Variants in DSCAM observed in about 807,000 individuals in gnomAD.
The protein encoded by DSCAM is DS cell adhesion molecule.
Under a neutral mutation model 217.7 loss-of-function variants are expected in DSCAM, and 47 were observed. That is an observed-to-expected ratio of 0.22 (90% CI 0.17 to 0.28). The LOEUF (loss-of-function observed/expected upper bound fraction) is 0.28. DSCAM is among the 10% of genes least tolerant of loss of function. DSCAM has a pLI of 1.00. For synonymous variants in DSCAM, 1,056 were observed against 1,015.3 expected (o/e 1.04, Z -0.76); for missense variants, 2,080 against 2,618.3 (o/e 0.79, Z 4.49).
chr21:40,074,162 T>C (rs1486986968), intron 27 of DSCAM, among the ~76,000 whole-genome samples: 1 of 152,242 alleles, frequency 6.6e-6, no homozygotes, highest in Non-Finnish European at 1.5e-5. Flanking sequence ...GTTTGGGATA[T>C]GTTTTGAGGA....
intron 3 of DSCAM, among the ~76,000 whole-genome samples, chr21:40,623,795 A>G (rs2089558396): frequency 6.6e-6 from 1 of 152,164 alleles, no homozygotes; most frequent in Non-Finnish European, 1.5e-5. Flanking sequence ...AAGAGAAAAC[A>G]CTTGCCTACG....
At chr21:40,738,981 A>G (rs2091094683) in intron 1 of DSCAM, among the ~76,000 whole-genome samples, 1 of 152,070 alleles carries the variant, frequency 6.6e-6, no homozygotes, top group African/African-American at 2.4e-5. Flanking sequence ...AAGAAGGGGG[A>G]GCATGAGTTC....
intron 11 of DSCAM, among the ~76,000 whole-genome samples, chr21:40,250,181 A>G (rs1446481224): frequency 6.6e-6 from 1 of 152,162 alleles, no homozygotes; most frequent in Admixed American, 6.5e-5. Flanking sequence ...CGGTTTGGGG[A>G]TTCACAGCCT....
At chr21:40,334,215 A>G (rs2074405662) in intron 8 of DSCAM, among the ~76,000 whole-genome samples, 1 of 152,032 alleles carries the variant, frequency 6.6e-6, no homozygotes. Flanking sequence ...TGCAGCCTGG[A>G]TTCCTGAACT....
intron 1 of DSCAM, among the ~76,000 whole-genome samples, chr21:40,804,144 G>A (rs1246954072): frequency 3.9e-5 from 6 of 152,126 alleles, no homozygotes; most frequent in Admixed American, 3.9e-4. Flanking sequence ...GCAGTACAAG[G>A]CCACTCCCCA....
At chr21:40,494,268 A>C (rs2076099858) in intron 3 of DSCAM, among the ~76,000 whole-genome samples, 1 of 152,164 alleles carries the variant, frequency 6.6e-6, no homozygotes, top group Non-Finnish European at 1.5e-5. Context: ...AGTGGATTTA[A>C]AAAGAACACA....
intron 3 of DSCAM, among the ~76,000 whole-genome samples, chr21:40,481,413 C>T (rs1249956324): frequency 6.6e-6 from 1 of 151,432 alleles, no homozygotes; most frequent in Non-Finnish European, 1.5e-5. Context: ...TGGCATGAAC[C>T]CGGGAGGCAA....
chr21:40,347,791 T>C lies in DSCAM; in HGVS notation c.1089A>G (p.Thr363=), dbSNP rs376119043. Residue 363 remains threonine, a synonymous_variant, in exon 6 of 33, where the codon ACA becomes ACG. Transcript: ENST00000400454. ...TTATAAGGTTTTCGTGGTTGATCCC[T>C]GTGATCCTCACATTTTTTCCAGGGT... ...ILNPGKNVRI[T]GINHENLIMD... is the part of the protein sequence containing the mutation. 3 of 1,614,088 alleles carry C rather than the reference T, an allele frequency of 1.9e-6. No individual in the cohort carries two copies. Among genetic ancestry groups the C allele is most frequent in the Non-Finnish European group, 1.7e-6 (2 of 1,180,022 alleles).
At chr21:40,188,613 G>T (rs148781103) in intron 12 of DSCAM, among the ~76,000 whole-genome samples, 2 of 151,802 alleles carry the variant, frequency 1.3e-5, no homozygotes, top group East Asian at 3.9e-4. Flanking sequence ...CTCTTTTAAC[G>T]ACAGATTTTT....
chr21:40,730,669 G>A (rs2091002704), intron 1 of DSCAM, among the ~76,000 whole-genome samples: 2 of 152,278 alleles, frequency 1.3e-5, no homozygotes, highest in East Asian at 1.9e-4. Context: ...CTGATGTGAT[G>A]TGCTGGAAGA....
At chr21:40,493,423 G>A (rs561164920) in intron 3 of DSCAM, among the ~76,000 whole-genome samples, 1 of 152,100 alleles carries the variant, frequency 6.6e-6, no homozygotes, top group African/African-American at 2.4e-5. Flanking sequence ...GTCAAATTAA[G>A]TATACTCTAA....
At chr21:40,706,527 T>G (rs1277503754) in intron 2 of DSCAM, among the ~76,000 whole-genome samples, 1 of 152,222 alleles carries the variant, frequency 6.6e-6, no homozygotes. Flanking sequence ...GAAGTCATTC[T>G]ACCTAATAGC....
At chr21:40,502,114 A>G (rs748143733) in intron 3 of DSCAM, among the ~76,000 whole-genome samples, 21 of 152,174 alleles carry the variant, frequency 1.4e-4, no homozygotes, top group Non-Finnish European at 2.5e-4. Flanking sequence ...TCTAACTGAA[A>G]TTTATCATGT....
rs76822532 is a variant in DSCAM, at chr21:40,342,501, T to C, written c.1211-3086A>G. 4.0e-5 allele frequency among the ~76,000 whole-genome samples: 6 copies of C among 151,554 alleles called. No individual in the cohort carries two copies. The East Asian group carries it at 9.7e-4, about 24-fold the overall frequency. ...ATTCTATACGGATAGCAACTTAATTTTGTGTGGATATGAAGTGTGATGTAG... is the reference window on the plus strand; with the variant it reads ...ATTCTATACGGATAGCAACTTAATTCTGTGTGGATATGAAGTGTGATGTAG... On this transcript the variant is annotated intron_variant, in intron 6 of 32. Coordinates refer to ENST00000400454, the MANE Select transcript of DSCAM (RefSeq NM_001389.5).
chr21:40,546,570 G>C (rs1004762110), intron 3 of DSCAM, among the ~76,000 whole-genome samples: 1 of 152,184 alleles, frequency 6.6e-6, no homozygotes, highest in African/African-American at 2.4e-5. Flanking sequence ...CACAGCTCCT[G>C]GCATGGATCT....
intron 9 of DSCAM, among the ~76,000 whole-genome samples, chr21:40,307,501 C>T (rs1472262192): frequency 1.3e-5 from 2 of 152,152 alleles, no homozygotes; most frequent in Admixed American, 6.5e-5. Context: ...TAAACTAGTT[C>T]TACCATTGTG....
At chr21:40,029,426 G>GTTTTTTTTTTTTTTTTTT (rs924937730) in intron 32 of DSCAM, among the ~76,000 whole-genome samples, 1 of 141,670 alleles carries the variant, frequency 7.1e-6, no homozygotes, top group African/African-American at 2.7e-5. Flanking sequence ...ATTTGAGGTT[G>GTTTTTTTTTTTTTTTTTT]TTTTTTTTTT....
intron 15 of DSCAM, among the ~76,000 whole-genome samples, chr21:40,174,824 T>C (rs1018840914): frequency 4.6e-5 from 7 of 152,222 alleles, no homozygotes; most frequent in African/African-American, 1.4e-4. Context: ...CCGACTCACA[T>C]CCACAGGCCT....
chr21:40,563,636 GTA>G (rs201178621), intron 3 of DSCAM, among the ~76,000 whole-genome samples: 7 of 144,378 alleles, frequency 4.8e-5, no homozygotes, highest in East Asian at 4.0e-4. Context: ...AGTTATATGT[GTA>G]TATATAGTTA....
Sources: allele counts gnomAD v4.1 joint callset (sites outside exome capture counted in the v4.1 genomes callset), GRCh38; gene constraint gnomAD v4.1.1; transcripts MANE v1.5; gene names NCBI Gene and HGNC (gene_info 2026-07-23, HGNC 2026-07-21).